Variants in VPS13D observed in about 807,000 individuals in gnomAD.
VPS13D encodes vacuolar protein sorting 13 homolog D.
Under a neutral mutation model 461.9 loss-of-function variants are expected in VPS13D, and 187 were observed. The observed-to-expected ratio is 0.40, with a 90% CI of 0.36 to 0.46. The LOEUF (loss-of-function observed/expected upper bound fraction) is 0.46, where lower values mean the gene tolerates loss of function less well. Ranked by LOEUF, VPS13D falls within the 20% of genes least tolerant of loss-of-function variation. VPS13D has a pLI of 0.60. For missense variants in VPS13D, 4,711 were observed against 5,364.9 expected, an observed-to-expected ratio of 0.88 and a Z score of 3.81; for synonymous variants, 1,951 against 1,986.3, an observed-to-expected ratio of 0.98 and a Z score of 0.47.
At position 12,308,445 on chromosome 1, in the gene VPS13D, C is replaced by T. The variant is rs2101485794; in HGVS notation, c.6454C>T (p.Leu2152=). 2 of 1,614,138 alleles carry T rather than the reference C, an allele frequency of 1.2e-6. No individual in the cohort carries two copies. Among genetic ancestry groups the T allele is most frequent in the South Asian group, 1.1e-5 (1 of 91,072 alleles). ...ESSSPEDHVC[L]LDCVVVDLQD... is the part of the protein sequence containing the mutation. ...GGTCCTTGTAGAAGACCATGTCTGCCTGCTGGATTGCGTTGTCGTGGATCT... is the reference window on the plus strand; with the variant it reads ...GGTCCTTGTAGAAGACCATGTCTGCTTGCTGGATTGCGTTGTCGTGGATCT... The change falls in exon 27 of 70, where the codon CTG becomes TTG. Residue 2152 remains leucine (L), a synonymous_variant. Coordinates refer to ENST00000620676, the MANE Select transcript of VPS13D (RefSeq NM_015378.4).
chr1:12,378,595 A>C lies in VPS13D; in HGVS notation c.11081+4A>C. On this transcript the variant is annotated splice_donor_region_variant and intron_variant, in intron 56 of 69. Coordinates refer to ENST00000620676, the MANE Select transcript of VPS13D (RefSeq NM_015378.4). ...TCGCTGCAGTGACTGACAACAGGTAATTTTCTAGGCAACTTTTGATTCAAG... is the reference window on the plus strand; with the variant it reads ...TCGCTGCAGTGACTGACAACAGGTACTTTTCTAGGCAACTTTTGATTCAAG... 6.5e-7 allele frequency: 1 copy of C among 1,539,914 alleles called. No homozygotes were observed.
At chr1:12,272,603 T>C (rs1018724843) in intron 17 of VPS13D, among the ~76,000 whole-genome samples, 3 of 152,206 alleles carry the variant, frequency 2.0e-5, no homozygotes, top group African/African-American at 7.2e-5. Flanking sequence ...TCAAAGCTTA[T>C]GTTTCTCACT....
chr1:12,339,294 A>G (rs141258085), intron 40 of VPS13D, among the ~76,000 whole-genome samples: 3,012 of 152,292 alleles, frequency 0.02, 129 homozygotes, highest in Admixed American at 0.11. Flanking sequence ...ACACTAGGTG[A>G]TTTGCCTTTA....
At chr1:12,311,787 G>A in intron 28 of VPS13D, 26 bp from the exon 29 acceptor site, 1 of 1,605,660 alleles carries the variant, frequency 6.2e-7, no homozygotes, top group Non-Finnish European at 8.5e-7. Context: ...ATCAGCTGTG[G>A]ATTGACGAGC....
At chr1:12,478,874 G>T (rs957850299) in intron 67 of VPS13D, 2 of 455,856 alleles carry the variant, frequency 4.4e-6, no homozygotes, top group African/African-American at 4.0e-5. Flanking sequence ...GGTGGCAGAG[G>T]TGGGTCAGAT....
chr1:12,317,736 C>T (rs1245581763), intron 30 of VPS13D, among the ~76,000 whole-genome samples: 1 of 151,890 alleles, frequency 6.6e-6, no homozygotes, highest in East Asian at 1.9e-4. Context: ...CAGAGTGTGA[C>T]CCTGTCTCTT....
chr1:12,360,639 C>T (rs1359802200), intron 50 of VPS13D, among the ~76,000 whole-genome samples: 1 of 152,148 alleles, frequency 6.6e-6, no homozygotes, highest in African/African-American at 2.4e-5. Flanking sequence ...ACAATGAAAG[C>T]TTCTCTGCAT....
chr1:12,282,595 T>G, intron 20 of VPS13D, 110 bp from the exon 21 acceptor site: 1 of 1,049,432 alleles, frequency 9.5e-7, no homozygotes, highest in Non-Finnish European at 1.4e-6. Flanking sequence ...TGCTATCAGG[T>G]AACTTACAGC....
chr1:12,428,307 A>G (rs1158869546), intron 65 of VPS13D, among the ~76,000 whole-genome samples: 9 of 152,208 alleles, frequency 5.9e-5, no homozygotes. Context: ...AGGCACAGGC[A>G]TATCACACTC....
chr1:12,511,444 G>C lies in VPS13D; in HGVS notation c.*2420G>C, dbSNP rs1210484465. 6.6e-6 allele frequency: 1 copy of C among 152,188 alleles called. No homozygotes were observed. The highest frequency in any genetic ancestry group is 1.5e-5 in the Non-Finnish European group (1 of 68,048). 9.4% of individuals were successfully genotyped at this position (152,188 alleles called of 1,614,324 possible). ...CACCAGGAAAACATCCAAAGCTTTG[G>C]AGGAAACAGGCCCTGCCCCTGGCTC... On this transcript the variant is annotated 3_prime_UTR_variant, in exon 70 of 70. Coordinates refer to ENST00000620676, the MANE Select transcript of VPS13D (RefSeq NM_015378.4). This position sits in a 1 kb window ranked among gnomAD's most constrained non-coding sequence, Gnocchi z 4.5.
chr1:12,493,877 G>C (rs1243788699), intron 67 of VPS13D, among the ~76,000 whole-genome samples: 1 of 152,178 alleles, frequency 6.6e-6, no homozygotes, highest in Non-Finnish European at 1.5e-5. Context: ...ACCTGAGAAG[G>C]TAAATTTTTA....
At chr1:12,258,149 A>T in intron 10 of VPS13D, 46 bp downstream of exon 10, 1 of 1,603,934 alleles carries the variant, frequency 6.2e-7, no homozygotes, top group Non-Finnish European at 8.5e-7. Context: ...TCAGAAGATA[A>T]GAATGTTCTC....
rs572716673 is a variant in VPS13D, at chr1:12,289,965, A to G, written c.5726-1033A>G. ...AATAAAAAAAAAAATTGTGTTTTCAATTCATTGGGAGCTGAACTAGCATGC... is the reference window on the plus strand; with the variant it reads ...AATAAAAAAAAAAATTGTGTTTTCAGTTCATTGGGAGCTGAACTAGCATGC... On this transcript the variant is annotated intron_variant, in intron 22 of 69. Transcript: ENST00000620676. Among the ~76,000 whole-genome samples, 7 of 152,254 alleles carry G rather than the reference A, an allele frequency of 4.6e-5. No individual in the cohort carries two copies. The South Asian group carries it at 1.2e-3, about 27-fold the overall frequency.
At chr1:12,235,240 G>T (rs1377687365) in intron 2 of VPS13D, among the ~76,000 whole-genome samples, 3 of 152,180 alleles carry the variant, frequency 2.0e-5, no homozygotes, top group Admixed American at 6.6e-5. Flanking sequence ...AGCTGTTTGC[G>T]TAGTCTGAGA....
Position 12,299,865 on chromosome 1 carries a change from A to G in VPS13D, c.6216+481A>G, listed in dbSNP as rs957801923. Among the ~76,000 whole-genome samples the G allele has an allele frequency of 6.7e-6, 1 of 149,876 alleles. No individual in the cohort carries two copies. The highest frequency in any genetic ancestry group is 1.5e-5 in the Non-Finnish European group (1 of 67,718). On this transcript the variant is annotated intron_variant, in intron 25 of 69. Coordinates refer to ENST00000620676, the MANE Select transcript of VPS13D (RefSeq NM_015378.4). The surrounding 1 kb of genome is among the most constrained non-coding windows in gnomAD (Gnocchi z 4.2). ...AATGTCTTAATAATAACATCTGTAC[A>G]GTATATTGCTTTACAGTTTTAAATT...
intron 20 of VPS13D, 92 bp from the exon 21 acceptor site, chr1:12,282,613 A>T: frequency 8.2e-7 from 1 of 1,215,980 alleles, no homozygotes; most frequent in Non-Finnish European, 1.2e-6. Flanking sequence ...AGCCTCATGT[A>T]GGAATCATGT....
chr1:12,497,186 G>C (rs887539289), intron 67 of VPS13D: 2 of 172,308 alleles, frequency 1.2e-5, no homozygotes, highest in African/African-American at 4.8e-5. Context: ...TGTTTTATTT[G>C]GTCTTCACAG....
intron 47 of VPS13D, among the ~76,000 whole-genome samples, chr1:12,354,582 C>T (rs958803679): frequency 4.6e-5 from 7 of 152,056 alleles, no homozygotes; most frequent in African/African-American, 7.2e-5. Flanking sequence ...CTTATCAAGC[C>T]GAAAGGTTTA....
intron 67 of VPS13D, chr1:12,478,486 C>T (rs1185614467): frequency 8.1e-6 from 2 of 245,492 alleles, no homozygotes; most frequent in African/African-American, 2.2e-5. Context: ...CTTGTACTGC[C>T]GCCAATGAGT....
Sources: allele counts gnomAD v4.1 joint callset (sites outside exome capture counted in the v4.1 genomes callset), GRCh38; gene constraint gnomAD v4.1.1; non-coding constraint Gnocchi (gnomAD v3.1); transcripts MANE v1.5; gene names NCBI Gene and HGNC (gene_info 2026-07-23, HGNC 2026-07-21).